Variants in USP25 observed in about 807,000 individuals in gnomAD.
USP25 encodes the protein ubiquitin specific peptidase 25.
In USP25, 85 loss-of-function variants were observed where a neutral mutation model predicts 158.5. The observed-to-expected ratio is 0.54, with a 90% CI of 0.45 to 0.64. USP25 has a LOEUF of 0.64. USP25 is among the 30% of genes least tolerant of loss of function. USP25 has a pLI of 0.00. For missense variants in USP25, 1,242 were observed against 1,327.3 expected (o/e 0.94, Z 1.00); for synonymous variants, 464 against 460.4 (o/e 1.01, Z -0.10).
intron 1 of USP25, among the ~76,000 whole-genome samples, chr21:15,736,906 C>T (rs28627435): frequency 0.19 from 28,891 of 148,864 alleles, 4,459 homozygotes; most frequent in African/African-American, 0.44. Flanking sequence ...TGGTTTGATG[C>T]CACTCTGCTT....
At chr21:15,876,735 A>C (rs1410917810) in intron 24 of USP25, 2 of 152,196 alleles carry the variant, frequency 1.3e-5, no homozygotes, top group Non-Finnish European at 2.9e-5. Context: ...GGAGACACAA[A>C]GCCTAACCAT....
Position 15,847,762 on chromosome 21 carries a change from G to C in USP25, c.2437G>C (p.Gly813Arg), listed in dbSNP as rs1025980290. The stretch of plus-strand genomic sequence containing the variant: ...ATTTATGATTGAATCAAAGGAGGGG[G>C]GGTATGATGACGAGGTACCTTTTAC... Reference protein sequence around the residue: ...GKFMIESKEGGYDDEIMMTPN... With the variant: ...GKFMIESKEGRYDDEIMMTPN... Residue 813 changes from glycine to arginine, a missense_variant, in exon 19 of 26, where the codon GGG (glycine) becomes CGG (arginine). Transcript: ENST00000400183. 3.9e-6 allele frequency: 6 copies of C among 1,548,762 alleles called. No homozygotes were observed. Among genetic ancestry groups the C allele is most frequent in the Non-Finnish European group, 4.4e-6 (5 of 1,145,492 alleles).
At chr21:15,849,703 A>G in intron 19 of USP25, 74 bp from the exon 20 acceptor site, 1 of 1,136,050 alleles carries the variant, frequency 8.8e-7, no homozygotes, top group Non-Finnish European at 1.2e-6. Context: ...AAAACAAAAG[A>G]GTTTCAGCTT....
chr21:15,815,430 A>G (rs892269860), intron 9 of USP25, among the ~76,000 whole-genome samples: 2 of 152,158 alleles, frequency 1.3e-5, no homozygotes, highest in African/African-American at 4.8e-5. Flanking sequence ...GATAGCTTGC[A>G]TTGTGTACCT....
At chr21:15,807,221 C>T (rs1398923086) in intron 7 of USP25, among the ~76,000 whole-genome samples, 5 of 152,212 alleles carry the variant, frequency 3.3e-5, no homozygotes, top group African/African-American at 1.2e-4. Flanking sequence ...AGCCACCACA[C>T]TTGGCCCCAA....
At chr21:15,793,549 A>G (rs1164583769) in intron 5 of USP25, among the ~76,000 whole-genome samples, 1 of 151,584 alleles carries the variant, frequency 6.6e-6, no homozygotes, top group Non-Finnish European at 1.5e-5. Flanking sequence ...ACTAGTTTTA[A>G]AATTTTATCT....
At chr21:15,797,902 C>T (rs891514529) in intron 5 of USP25, among the ~76,000 whole-genome samples, 1 of 151,054 alleles carries the variant, frequency 6.6e-6, no homozygotes, top group African/African-American at 2.4e-5. Context: ...TACAATTGAC[C>T]TATTTTATTA....
intron 15 of USP25, 86 bp from the exon 16 acceptor site, chr21:15,831,315 C>A: frequency 7.7e-7 from 1 of 1,306,974 alleles, no homozygotes; most frequent in Non-Finnish European, 1.1e-6. Flanking sequence ...TGGTTTTCTC[C>A]AAACAGGTTG....
intron 22 of USP25, 28 bp downstream of exon 22, chr21:15,866,372 A>G (rs746486702): frequency 2.6e-6 from 4 of 1,519,890 alleles, no homozygotes; most frequent in Admixed American, 3.9e-5. Context: ...AGGTTAAACT[A>G]CAGATTTAGG....
chr21:15,805,908 C>T (rs540241928), intron 7 of USP25, among the ~76,000 whole-genome samples: 5 of 152,208 alleles, frequency 3.3e-5, no homozygotes, highest in South Asian at 4.1e-4. Context: ...AAGCTTGCAG[C>T]GTTGTTTTTT....
rs1010179483 is a variant in USP25, at chr21:15,757,586, A to T, written c.46-5305A>T. 2.0e-5 allele frequency among the ~76,000 whole-genome samples: 3 copies of T among 152,236 alleles called. No individual in the cohort carries two copies. In the East Asian group the frequency reaches 5.8e-4, roughly 29 times the overall value. ...GTGGCATACCAAAATATTGTCACTC[A>T]CACTCACAGATTTGCTGGTTGGCTG... On this transcript the variant is annotated intron_variant, in intron 1 of 25. Transcript: ENST00000400183.
intron 3 of USP25, among the ~76,000 whole-genome samples, chr21:15,767,147 C>T (rs2034086009): frequency 1.3e-5 from 2 of 151,988 alleles, no homozygotes. Flanking sequence ...TGTGACTGGG[C>T]CCCCATCCAC....
At chr21:15,777,626 C>T (rs558053215) in intron 3 of USP25, among the ~76,000 whole-genome samples, 1 of 152,208 alleles carries the variant, frequency 6.6e-6, no homozygotes, top group Admixed American at 6.5e-5. Flanking sequence ...TGCTTATTAG[C>T]TTTTAATAAG....
intron 6 of USP25, 146 bp downstream of exon 6, chr21:15,799,989 T>A (rs1323741366): frequency 2.2e-6 from 1 of 447,222 alleles, no homozygotes; most frequent in Admixed American, 4.1e-5. Context: ...CCATAGCAAG[T>A]TCTTATCCTT....
chr21:15,788,449 C>G (rs2035415682), intron 4 of USP25, among the ~76,000 whole-genome samples: 1 of 152,108 alleles, frequency 6.6e-6, no homozygotes, highest in African/African-American at 2.4e-5. Flanking sequence ...CATCCATTTA[C>G]TTTAAAAACG....
intron 1 of USP25, among the ~76,000 whole-genome samples, chr21:15,749,349 G>C (rs1460040928): frequency 6.6e-6 from 1 of 152,104 alleles, no homozygotes; most frequent in East Asian, 1.9e-4. Flanking sequence ...ATGTGTTTCT[G>C]CTTATCTGTG....
intron 1 of USP25, among the ~76,000 whole-genome samples, chr21:15,762,263 T>C (rs1456211296): frequency 6.6e-6 from 1 of 152,036 alleles, no homozygotes; most frequent in Non-Finnish European, 1.5e-5. Context: ...AAGGAGGAAG[T>C]TGGTTTTTAT....
At position 15,793,560 on chromosome 21, in the gene USP25, A is replaced by C. The variant is rs185287410; in HGVS notation, c.555+1896A>C. Among the ~76,000 whole-genome samples, 4 of 151,568 alleles carry C rather than the reference A, an allele frequency of 2.6e-5. No individual in the cohort carries two copies. The East Asian group carries it at 7.8e-4, about 30-fold the overall frequency. On this transcript the variant is annotated intron_variant, in intron 5 of 25. Coordinates refer to ENST00000400183, the MANE Select transcript of USP25 (RefSeq NM_001283041.3). ...TTGTACTAGTTTTAAAATTTTATCT[A>C]AGTTTAGTGGCTGCTTAACTCCTAA...
intron 1 of USP25, among the ~76,000 whole-genome samples, chr21:15,749,163 C>T (rs1409694001): frequency 6.6e-6 from 1 of 152,076 alleles, no homozygotes; most frequent in Non-Finnish European, 1.5e-5. Context: ...TAAGTTAGCG[C>T]CAAATAAATA....
Sources: allele counts gnomAD v4.1 joint callset (sites outside exome capture counted in the v4.1 genomes callset), GRCh38; gene constraint gnomAD v4.1.1; transcripts MANE v1.5; gene names NCBI Gene and HGNC (gene_info 2026-07-23, HGNC 2026-07-21).